The following GRM5 variants were observed in gnomAD, a reference collection of about 807,000 sequenced individuals.
GRM5 encodes the protein glutamate metabotropic receptor 5.
GRM5 carries 19 observed loss-of-function variants against 83.1 expected under a neutral mutation model. The observed-to-expected ratio is 0.23, with a 90% CI of 0.16 to 0.34. The LOEUF (loss-of-function observed/expected upper bound fraction) is 0.34. Ranked by LOEUF, GRM5 falls within the 10% of genes least tolerant of loss-of-function variation. GRM5 has a pLI of 1.00. For synonymous variants in GRM5, 675 were observed against 633.6 expected, an observed-to-expected ratio of 1.07 and a Z score of -0.98; for missense variants, 1,160 against 1,588.3, an observed-to-expected ratio of 0.73 and a Z score of 4.58.
chr11:88,991,710 A>G (rs924877037), intron 2 of GRM5, among the ~76,000 whole-genome samples: 16 of 152,112 alleles, frequency 1.1e-4, no homozygotes, highest in South Asian at 2.1e-4. Context: ...ATAACGCCGC[A>G]TATCTACAAC....
At chr11:88,640,888 TTA>T (rs1939273535) in intron 4 of GRM5, among the ~76,000 whole-genome samples, 1 of 152,126 alleles carries the variant, frequency 6.6e-6, no homozygotes, top group Non-Finnish European at 1.5e-5. Flanking sequence ...TCTTTGTAAT[TTA>T]TAGAGATGCC....
intron 8 of GRM5, 139 bp from the exon 9 acceptor site, chr11:88,525,543 A>T: frequency 1.5e-6 from 1 of 655,144 alleles, no homozygotes; most frequent in Admixed American, 2.4e-5. Context: ...TGCAATGACC[A>T]ACCTGTGATA....
intron 2 of GRM5, among the ~76,000 whole-genome samples, chr11:88,970,318 T>A (rs1939128760): frequency 6.6e-6 from 1 of 152,142 alleles, no homozygotes; most frequent in South Asian, 2.1e-4. Flanking sequence ...GCTTCTTCCA[T>A]CCTATGGCCC....
At chr11:88,753,110 A>T (rs945293631) in intron 3 of GRM5, among the ~76,000 whole-genome samples, 3 of 152,348 alleles carry the variant, frequency 2.0e-5, no homozygotes, top group Admixed American at 1.3e-4. Context: ...GACAAATAGT[A>T]TTTAATTAAA....
intron 3 of GRM5, among the ~76,000 whole-genome samples, chr11:88,777,727 T>C (rs771081143): frequency 6.6e-6 from 1 of 152,218 alleles, no homozygotes; most frequent in Non-Finnish European, 1.5e-5. Context: ...TGCTGGAGTT[T>C]CACTCCATAC....
chr11:88,737,668 T>A (rs907104243), intron 3 of GRM5, among the ~76,000 whole-genome samples: 1 of 152,024 alleles, frequency 6.6e-6, no homozygotes, highest in Non-Finnish European at 1.5e-5. Context: ...TTGTGATATT[T>A]TTTCATCATA....
intron 2 of GRM5, among the ~76,000 whole-genome samples, chr11:88,872,806 A>C (rs1455100059): frequency 6.6e-6 from 1 of 151,544 alleles, no homozygotes; most frequent in Non-Finnish European, 1.5e-5. Flanking sequence ...GAAATGAAAA[A>C]AGGATCAACA....
rs574311730 is a variant in GRM5 at position 88,596,439 on chromosome 11, A to G, written c.1563+745T>C. Among the ~76,000 whole-genome samples, 66 of 152,268 alleles carry G rather than the reference A, an allele frequency of 4.3e-4. No individual in the cohort carries two copies. The South Asian group carries it at 0.013, about 31-fold the overall frequency. On this transcript the variant is annotated intron_variant, in intron 6 of 9. Transcript: ENST00000305447. Reference sequence around the variant, plus strand: ...GTTTAATAAAAATTAAGTTCAATGTATTTAGTATGATGTTCAAAACTCTCC... The same window carrying G: ...GTTTAATAAAAATTAAGTTCAATGTGTTTAGTATGATGTTCAAAACTCTCC...
chr11:88,976,849 T>C (rs1472519541), intron 2 of GRM5, among the ~76,000 whole-genome samples: 2 of 126,346 alleles, frequency 1.6e-5, no homozygotes, highest in Admixed American at 1.7e-4. Context: ...CCAACTCTTT[T>C]CTATAAATAC....
Position 88,935,691 on chromosome 11 carries a change from A to G in GRM5, c.662-85536T>C, listed in dbSNP as rs554492606. ...GCCTCACTCCTTCAACGGATGAATG[A>G]AAAGGGAAATACTCTTTTTGAAGAC... On this transcript the variant is annotated intron_variant, in intron 2 of 9. Coordinates refer to ENST00000305447, the MANE Select transcript of GRM5 (RefSeq NM_001143831.3). Among the ~76,000 whole-genome samples the G allele has an allele frequency of 2.0e-5, 3 of 152,086 alleles. No homozygotes were observed. In the East Asian group the frequency reaches 5.8e-4, roughly 29 times the overall value.
intron 2 of GRM5, among the ~76,000 whole-genome samples, chr11:89,000,004 T>G (rs1439558017): frequency 1.3e-5 from 2 of 151,764 alleles, no homozygotes; most frequent in Admixed American, 1.3e-4. Flanking sequence ...AACCAAACAC[T>G]GCATGTTCTC....
chr11:88,546,474 A>G (rs911149718), intron 8 of GRM5, among the ~76,000 whole-genome samples: 1 of 152,138 alleles, frequency 6.6e-6, no homozygotes, highest in Non-Finnish European at 1.5e-5. Flanking sequence ...GTCCTCTATT[A>G]CAATGACTTT....
intron 3 of GRM5, among the ~76,000 whole-genome samples, chr11:88,681,957 T>G (rs996281868): frequency 2.0e-5 from 3 of 152,156 alleles, no homozygotes; most frequent in African/African-American, 7.2e-5. Flanking sequence ...ACTCATTAAA[T>G]GATCCAAACT....
chr11:89,007,659 T>G (rs10765180), intron 2 of GRM5, among the ~76,000 whole-genome samples: 75,686 of 151,988 alleles, frequency 0.5, 19,117 homozygotes, highest in South Asian at 0.65. Flanking sequence ...AGAGGAAGAA[T>G]TAAAGGGGCT....
At chr11:88,889,763 T>C (rs1405411335) in intron 2 of GRM5, among the ~76,000 whole-genome samples, 1 of 152,206 alleles carries the variant, frequency 6.6e-6, no homozygotes, top group Non-Finnish European at 1.5e-5. Context: ...ACACTCTTAA[T>C]GCATGTGTGA....
intron 2 of GRM5, among the ~76,000 whole-genome samples, chr11:88,897,064 A>G (rs1301270036): frequency 6.6e-6 from 1 of 151,980 alleles, no homozygotes; most frequent in Non-Finnish European, 1.5e-5. Flanking sequence ...TCTGAAACAC[A>G]GGATGAATCA....
chr11:88,937,402 T>C (rs1195941049), intron 2 of GRM5, among the ~76,000 whole-genome samples: 1 of 151,752 alleles, frequency 6.6e-6, no homozygotes. Flanking sequence ...TATAATGACT[T>C]TGAAATCTGA....
At chr11:88,942,901 A>G (rs1020701524) in intron 2 of GRM5, among the ~76,000 whole-genome samples, 1 of 152,060 alleles carries the variant, frequency 6.6e-6, no homozygotes, top group African/African-American at 2.4e-5. Flanking sequence ...AAACTACAGG[A>G]TACAAAGTAG....
intron 8 of GRM5, among the ~76,000 whole-genome samples, chr11:88,540,568 G>A (rs1329867282): frequency 6.6e-6 from 1 of 151,960 alleles, no homozygotes; most frequent in Non-Finnish European, 1.5e-5. Flanking sequence ...GGAAAGTCCT[G>A]GGCATGCAAT....
Sources: gnomAD v4.1 joint callset for allele counts (sites outside exome capture counted in the v4.1 genomes callset) on GRCh38, gnomAD v4.1.1 for gene constraint, MANE v1.5 for transcripts, NCBI Gene and HGNC (gene_info 2026-07-23, HGNC 2026-07-21) for gene names.